The following MACF1 variants were observed in gnomAD, a reference collection of about 807,000 sequenced individuals.
MACF1 encodes microtubule actin crosslinking factor 1.
A neutral mutation model predicts 854.8 loss-of-function variants in MACF1; 193 were observed. The ratio of observed to expected loss-of-function variants is 0.23; its 90% confidence interval spans 0.20 to 0.25. The LOEUF is 0.25. MACF1 is among the 10% of genes least tolerant of loss of function. The pLI, the probability that MACF1 is intolerant of heterozygous loss-of-function variation, is 1.00. For missense variants in MACF1, 7,722 were observed against 8,929.1 expected (o/e 0.86, Z 5.45); for synonymous variants, 3,185 against 3,226.7 (o/e 0.99, Z 0.44).
chr1:39,355,221 G>C (rs1647433247), intron 44 of MACF1, among the ~76,000 whole-genome samples: 1 of 152,082 alleles, frequency 6.6e-6, no homozygotes, highest in South Asian at 2.1e-4. Flanking sequence ...CTTATAAGAG[G>C]ACAGAGCAAA....
chr1:39,400,228 G>A (rs937161299), intron 58 of MACF1, among the ~76,000 whole-genome samples: 3 of 152,152 alleles, frequency 2.0e-5, no homozygotes, highest in African/African-American at 7.2e-5. Context: ...AAGTATCCAG[G>A]TTTGAATCCT....
intron 2 of MACF1, among the ~76,000 whole-genome samples, chr1:39,236,937 G>C (rs1007242277): frequency 6.6e-6 from 1 of 152,210 alleles, no homozygotes; most frequent in Non-Finnish European, 1.5e-5. Context: ...TTACAGGCAT[G>C]AGCCACCGCG....
Position 39,485,537 on chromosome 1 carries a change from G to C in MACF1, c.22412-1G>C. 1 of 1,609,862 alleles carries C rather than the reference G, an allele frequency of 6.2e-7. No individual in the cohort carries two copies. The highest frequency in any genetic ancestry group is 8.5e-7 in the Non-Finnish European group (1 of 1,178,082). Reference sequence around the variant, plus strand: ...TCTGCTGTTTTATTCTTGAATTCCAGACCCTAAAAAGTCTGCCAGTCGCCC... The same window carrying C: ...TCTGCTGTTTTATTCTTGAATTCCACACCCTAAAAAGTCTGCCAGTCGCCC... On this transcript the variant is annotated splice_acceptor_variant, in intron 100 of 100. Coordinates refer to ENST00000564288, the MANE Select transcript of MACF1 (RefSeq NM_001394062.1). LOFTEE classifies it high-confidence loss of function.
In MACF1 at chr1:39,391,406, G is replaced by A. The variant is rs537758335; in HGVS notation, c.15816+2748G>A. On this transcript the variant is annotated intron_variant, in intron 58 of 100. Coordinates refer to ENST00000564288, the MANE Select transcript of MACF1 (RefSeq NM_001394062.1). ...CTATAGTATTATACTGGTTGGATTG[G>A]CTGTGCATGTGTGTGTGGAGAGGAG... Among the ~76,000 whole-genome samples, 16 of 152,194 alleles carry A rather than the reference G, an allele frequency of 1.1e-4. 1 individual carries two copies. In the South Asian group the frequency reaches 3.3e-3, roughly 32 times the overall value.
chr1:39,166,580 C>T (rs1196675932), intron 2 of MACF1, among the ~76,000 whole-genome samples: 1 of 152,032 alleles, frequency 6.6e-6, no homozygotes, highest in Non-Finnish European at 1.5e-5. Context: ...CCTCAGCCTC[C>T]TGAGTAGCTG....
Position 39,317,211 on chromosome 1 carries a change from C to T in MACF1, c.3589-3C>T. ...ACCTGTTTCTGTACTTATGTTTCCA[C>T]AGCACTGGCTTAGTGATGTGAAGGA... On this transcript the variant is annotated splice_polypyrimidine_tract_variant and splice_region_variant and intron_variant, in intron 28 of 100. Transcript: ENST00000564288. 6 of 1,612,960 alleles carry T rather than the reference C, an allele frequency of 3.7e-6. No homozygotes were observed. The highest frequency in any genetic ancestry group is 5.1e-6 in the Non-Finnish European group (6 of 1,179,554).
At chr1:39,401,633 A>G (rs1433432026) in intron 58 of MACF1, among the ~76,000 whole-genome samples, 2 of 152,244 alleles carry the variant, frequency 1.3e-5, no homozygotes, top group African/African-American at 2.4e-5. Flanking sequence ...TCATGTGTAT[A>G]TATGAGTCAA....
rs536245918 is a variant in MACF1 at position 39,185,187 on chromosome 1, G to C, written c.221-45995G>C. On this transcript the variant is annotated intron_variant, in intron 2 of 93. Coordinates refer to the MACF1 transcript ENST00000361689. ...GGTGCCTGTAGTCCCAGCTACACGGGAGGCTGAGGCAGGAGAATGGCATGT... is the reference window on the plus strand; with the variant it reads ...GGTGCCTGTAGTCCCAGCTACACGGCAGGCTGAGGCAGGAGAATGGCATGT... Among the ~76,000 whole-genome samples, 3 of 152,130 alleles carry C rather than the reference G, an allele frequency of 2.0e-5. No individual in the cohort carries two copies. The South Asian group carries it at 6.2e-4, about 32-fold the overall frequency.
intron 58 of MACF1, among the ~76,000 whole-genome samples, chr1:39,393,710 G>A (rs1043645339): frequency 2.6e-5 from 4 of 152,060 alleles, no homozygotes; most frequent in African/African-American, 9.7e-5. Context: ...ACAGGAGGCT[G>A]ACGCAGGAGG....
At chr1:39,148,782 T>C (rs1643515457) in intron 2 of MACF1, among the ~76,000 whole-genome samples, 1 of 152,238 alleles carries the variant, frequency 6.6e-6, no homozygotes, top group South Asian at 2.1e-4. Context: ...CACACTTAAC[T>C]GTATTTTTAA....
At position 39,116,705 on chromosome 1, in the gene MACF1, T is replaced by A. The variant is rs111400414; in HGVS notation, c.220+32267T>A. Among the ~76,000 whole-genome samples the A allele has an allele frequency of 1.9e-3, 294 of 152,340 alleles. 2 individuals are homozygous for A. The highest frequency in any genetic ancestry group is 6.8e-3 in the African/African-American group (284 of 41,578). On this transcript the variant is annotated intron_variant, in intron 2 of 93. Transcript: ENST00000361689. ...TTTGCATTCCTGCCTGTCATTTAGC[T>A]AAATACTATGCAGAAATTAATTCTT...
At chr1:39,481,136 T>G in intron 99 of MACF1, 106 bp downstream of exon 99, 2 of 665,276 alleles carry the variant, frequency 3.0e-6, no homozygotes, top group Non-Finnish European at 5.2e-6. Context: ...CTTTCATCTC[T>G]GTGGTGCTTG....
At chr1:39,170,925 G>A (rs1643939438) in intron 2 of MACF1, among the ~76,000 whole-genome samples, 1 of 152,102 alleles carries the variant, frequency 6.6e-6, no homozygotes, top group Non-Finnish European at 1.5e-5. Flanking sequence ...GGCTGAGGAA[G>A]GCCTGAGACC....
At chr1:39,125,749 T>C (rs985151183) in intron 2 of MACF1, among the ~76,000 whole-genome samples, 1 of 152,242 alleles carries the variant, frequency 6.6e-6, no homozygotes, top group Non-Finnish European at 1.5e-5. Context: ...CCCAGCACTT[T>C]GGGAGGCCTA....
intron 2 of MACF1, 77 bp from the exon 3 acceptor site, chr1:39,249,937 G>T: frequency 4.2e-6 from 3 of 720,648 alleles, no homozygotes; most frequent in Non-Finnish European, 7.0e-6. Flanking sequence ...TGTTTACCTA[G>T]AACCAGAGAT....
At chr1:39,217,170 T>C (rs1289341094) in intron 1 of MACF1, among the ~76,000 whole-genome samples, 4 of 152,228 alleles carry the variant, frequency 2.6e-5, no homozygotes, top group Non-Finnish European at 5.9e-5. Flanking sequence ...TATTAACTTA[T>C]TATGTGTGAG....
intron 2 of MACF1, among the ~76,000 whole-genome samples, chr1:39,158,548 A>G (rs912202232): frequency 2.0e-5 from 3 of 152,198 alleles, no homozygotes; most frequent in Non-Finnish European, 4.4e-5. Context: ...TTTGTTCTCA[A>G]ATGTTAAATG....
Position 39,213,208 on chromosome 1 carries a change from T to C in MACF1, c.109+8077T>C, listed in dbSNP as rs544031090. Among the ~76,000 whole-genome samples, 50 of 152,378 alleles carry C rather than the reference T, an allele frequency of 3.3e-4. 1 individual carries two copies. The Middle Eastern group carries it at 0.014, about 41-fold the overall frequency. On this transcript the variant is annotated intron_variant, in intron 1 of 100. Transcript: ENST00000564288. ...AATGATATTTAAAGTTTTTAGCACA[T>C]TAACTGTGAACTAACAGTTATAGTA...
intron 12 of MACF1, 31 bp downstream of exon 12, chr1:39,285,241 T>C (rs1645620570): frequency 6.2e-7 from 1 of 1,614,126 alleles, no homozygotes; most frequent in Non-Finnish European, 8.5e-7. Context: ...TGGTCTGACA[T>C]TATTTATTGA....
Sources: gnomAD v4.1 joint callset for allele counts (sites outside exome capture counted in the v4.1 genomes callset) on GRCh38, gnomAD v4.1.1 for gene constraint, MANE v1.5 for transcripts, NCBI Gene and HGNC (gene_info 2026-07-23, HGNC 2026-07-21) for gene names.